The following LOXHD1 variants were observed in gnomAD, a reference collection of about 807,000 sequenced individuals.
The protein encoded by LOXHD1 is lipoxygenase homology PLAT domains 1.
Under a neutral mutation model 248.2 loss-of-function variants are expected in LOXHD1, and 205 were observed. That is an observed-to-expected ratio of 0.83 (90% CI 0.74 to 0.93). LOXHD1 has a LOEUF of 0.93. Among genes scored for constraint, LOXHD1 ranks in the 40% least tolerant of loss-of-function variants. The pLI is 0.00. For missense variants in LOXHD1, 2,930 were observed against 2,971.6 expected (o/e 0.99, Z 0.33); for synonymous variants, 1,113 against 1,162.8 (o/e 0.96, Z 0.87).
At chr18:46,489,366 T>C (rs922806357) in intron 37 of LOXHD1, among the ~76,000 whole-genome samples, 3 of 152,164 alleles carry the variant, frequency 2.0e-5, no homozygotes, top group African/African-American at 7.2e-5. Context: ...AACTTTGGGT[T>C]CATGAACCCT....
intron 4 of LOXHD1, among the ~76,000 whole-genome samples, chr18:46,626,238 T>C (rs1219787577): frequency 1.3e-5 from 2 of 152,220 alleles, no homozygotes; most frequent in Non-Finnish European, 1.5e-5. Context: ...ATTCATGGAC[T>C]ACAATGCAGC....
At chr18:46,559,871 C>A (rs2037474742) in intron 19 of LOXHD1, among the ~76,000 whole-genome samples, 1 of 152,218 alleles carries the variant, frequency 6.6e-6, no homozygotes, top group Non-Finnish European at 1.5e-5. Flanking sequence ...TTCCTGAGAA[C>A]CTCAGAACAA....
chr18:46,562,928 G>T, intron 18 of LOXHD1, 137 bp downstream of exon 18: 1 of 1,021,308 alleles, frequency 9.8e-7, no homozygotes. Flanking sequence ...CTGGAGAGAG[G>T]AAGCATTTTC....
At position 46,577,881 on chromosome 18, in the gene LOXHD1, A is replaced by G. The variant is rs932627194; in HGVS notation, c.1810-14T>C. The stretch of plus-strand genomic sequence containing the variant: ...GAACTCGTCAGCCTTGTGGGGGGAA[A>G]CCACAAGGCCAGTTAGACAGTGGCT... On this transcript the variant is annotated splice_polypyrimidine_tract_variant and intron_variant, in intron 13 of 40. Coordinates refer to ENST00000642948, the MANE Select transcript of LOXHD1 (RefSeq NM_001384474.1). 3.2e-6 allele frequency: 5 copies of G among 1,551,360 alleles called. No individual in the cohort carries two copies. The highest frequency in any genetic ancestry group is 4.4e-6 in the Non-Finnish European group (5 of 1,146,838).
At chr18:46,594,019 C>A (rs1023837400) in intron 9 of LOXHD1, among the ~76,000 whole-genome samples, 2 of 152,186 alleles carry the variant, frequency 1.3e-5, no homozygotes, top group African/African-American at 4.8e-5. Flanking sequence ...GTTGACTCCA[C>A]CCACCCTATG....
chr18:46,521,914 G>A lies in LOXHD1; in HGVS notation c.5085+187C>T, dbSNP rs2035594154. The stretch of plus-strand genomic sequence containing the variant: ...ATTCCCACTGGGTGGGTGGAAGACA[G>A]ACACACAGAGGGGCAGGTGGCTCAC... On this transcript the variant is annotated intron_variant, in intron 32 of 40. Coordinates refer to ENST00000642948, the MANE Select transcript of LOXHD1 (RefSeq NM_001384474.1). 1.3e-5 allele frequency among the ~76,000 whole-genome samples: 2 copies of A among 152,194 alleles called. 1 individual carries two copies. The highest frequency in any genetic ancestry group is 2.9e-5 in the Non-Finnish European group (2 of 68,026).
rs372546084 is a variant in LOXHD1, at chr18:46,563,088, G to A, written c.2575C>T (p.Arg859Trp). Residue 859 changes from arginine (R) to tryptophan (W), a missense_variant, in exon 18 of 41, where the codon CGG becomes TGG. Arg to Trp is a moderately radical substitution (Grantham distance 101). Transcript: ENST00000642948. ...FLSSRSKVFERASKDTFQLEA... is the reference protein window; with the variant it reads ...FLSSRSKVFEWASKDTFQLEA... ...ACCTGGAATGTGTCCTTGGACGCCC[G>A]TTCAAAAACTTTTGAGCGGCTGGAG... 420 of 1,544,708 alleles carry A rather than the reference G, an allele frequency of 2.7e-4. No homozygotes were observed. Among genetic ancestry groups the A allele is most frequent in the Admixed American group, 1.2e-3 (60 of 50,930 alleles).
In LOXHD1 at chr18:46,505,902, G is replaced by T. The variant is rs2034536219; in HGVS notation, c.5814C>A (p.Phe1938Leu). ...NKFERNNTDT[F>L]NFPDMLSLGH... Reference sequence around the variant, plus strand: ...CCAAGCTCAGCATGTCAGGGAAGTTGAATGTGTCCGTGTTGTTCCGCTCAA... The same window carrying T: ...CCAAGCTCAGCATGTCAGGGAAGTTTAATGTGTCCGTGTTGTTCCGCTCAA... Residue 1938 changes from phenylalanine to leucine, a missense_variant, in exon 37 of 41, where the codon TTC becomes TTA. Physicochemically the swap from Phe to Leu is conservative, Grantham distance 22. Transcript: ENST00000642948. 6.4e-7 allele frequency: 1 copy of T among 1,551,774 alleles called. No homozygotes were observed. The highest frequency in any genetic ancestry group is 2.0e-5 in the Admixed American group (1 of 50,976).
At chr18:46,552,634 A>T (rs984220377) in intron 21 of LOXHD1, among the ~76,000 whole-genome samples, 1 of 152,072 alleles carries the variant, frequency 6.6e-6, no homozygotes, top group Non-Finnish European at 1.5e-5. Flanking sequence ...CCACAGCTTT[A>T]TATCTTCTCC....
chr18:46,591,427 G>A (rs888302953), intron 12 of LOXHD1, among the ~76,000 whole-genome samples: 2 of 152,184 alleles, frequency 1.3e-5, no homozygotes, highest in South Asian at 2.1e-4. Context: ...TAACCTAGAG[G>A]CAAAATGACT....
chr18:46,521,717 G>T (rs1009613266), intron 32 of LOXHD1, among the ~76,000 whole-genome samples: 1 of 152,076 alleles, frequency 6.6e-6, no homozygotes, highest in African/African-American at 2.4e-5. Context: ...AGATAAAATC[G>T]CAGCCCTGGC....
intron 12 of LOXHD1, among the ~76,000 whole-genome samples, chr18:46,587,525 A>G (rs1210528782): frequency 6.6e-6 from 1 of 152,162 alleles, no homozygotes; most frequent in Non-Finnish European, 1.5e-5. Context: ...GCCCCTCTGA[A>G]ACACCCCAGC....
chr18:46,584,400 A>G (rs1008205233), intron 12 of LOXHD1, among the ~76,000 whole-genome samples: 1 of 152,144 alleles, frequency 6.6e-6, no homozygotes, highest in African/African-American at 2.4e-5. Context: ...TTCTCACCAT[A>G]AAGAAATGAT....
intron 37 of LOXHD1, among the ~76,000 whole-genome samples, chr18:46,493,919 G>C (rs977921033): frequency 6.6e-6 from 1 of 152,160 alleles, no homozygotes; most frequent in African/African-American, 2.4e-5. Flanking sequence ...CCTCAATAAG[G>C]AAGAGCCCTT....
At chr18:46,529,568 A>G (rs2035972695) in intron 28 of LOXHD1, among the ~76,000 whole-genome samples, 1 of 152,178 alleles carries the variant, frequency 6.6e-6, no homozygotes, top group Non-Finnish European at 1.5e-5. Flanking sequence ...GACCCCAAAA[A>G]TAGAAACTTT....
chr18:46,619,011 G>A (rs1232022232), intron 4 of LOXHD1, among the ~76,000 whole-genome samples: 1 of 152,116 alleles, frequency 6.6e-6, no homozygotes, highest in Non-Finnish European at 1.5e-5. Context: ...ACGAAGCTTG[G>A]TAAACTTGAC....
intron 16 of LOXHD1, among the ~76,000 whole-genome samples, 173 bp from the exon 17 acceptor site, chr18:46,566,622 TG>T (rs904628491): frequency 4.2e-4 from 64 of 152,186 alleles, no homozygotes; most frequent in Non-Finnish European, 1.2e-4. Flanking sequence ...ATCAGCCAGC[TG>T]GGGCACCAGG....
At chr18:46,633,987 A>C (rs2038860562) in intron 4 of LOXHD1, among the ~76,000 whole-genome samples, 1 of 152,230 alleles carries the variant, frequency 6.6e-6, no homozygotes, top group African/African-American at 2.4e-5. Flanking sequence ...ACTCGTGTGC[A>C]TTGCTGGTAG....
chr18:46,541,503 G>A (rs2036556270), intron 25 of LOXHD1, among the ~76,000 whole-genome samples: 2 of 152,308 alleles, frequency 1.3e-5, no homozygotes, highest in South Asian at 4.1e-4. Context: ...TGCAGATGAG[G>A]AATCTGAACC....
Sources: gnomAD v4.1 joint callset for allele counts (sites outside exome capture counted in the v4.1 genomes callset) on GRCh38, gnomAD v4.1.1 for gene constraint, MANE v1.5 for transcripts, NCBI Gene and HGNC (gene_info 2026-07-23, HGNC 2026-07-21) for gene names.